Variants in LAMA2 observed in about 807,000 individuals in gnomAD.
LAMA2 encodes laminin subunit alpha-2.
Under a neutral mutation model 364.8 loss-of-function variants are expected in LAMA2, and 269 were observed. That is an observed-to-expected ratio of 0.74 (90% CI 0.67 to 0.82). The LOEUF is 0.82. Ranked by LOEUF, LAMA2 falls within the 40% of genes least tolerant of loss-of-function variation. LAMA2 has a pLI of 0.00. For missense variants in LAMA2, 3,807 were observed against 3,873.2 expected, an observed-to-expected ratio of 0.98 and a Z score of 0.45; for synonymous variants, 1,379 against 1,370.6, an observed-to-expected ratio of 1.01 and a Z score of -0.14.
chr6:128,905,877 A>G (rs987728613), intron 1 of LAMA2, among the ~76,000 whole-genome samples: 2 of 151,892 alleles, frequency 1.3e-5, no homozygotes, highest in Admixed American at 1.3e-4. Context: ...GATTGAGAAC[A>G]TGCGGTGTTT....
chr6:129,115,692 T>G (rs973556913), intron 4 of LAMA2, among the ~76,000 whole-genome samples: 3 of 152,086 alleles, frequency 2.0e-5, no homozygotes, highest in African/African-American at 7.2e-5. Context: ...GTGGTGTTGC[T>G]GAGTGCAAGG....
In LAMA2 at chr6:129,353,448, C is replaced by CT. The variant is rs878949960; in HGVS notation, c.4717+106dup. On this transcript the variant is annotated intron_variant, in intron 32 of 64. Transcript: ENST00000421865. Reference sequence around the variant, plus strand: ...AGAAAGAGTGACTCTCCCCGCCCGCCTTTTTTTTTTTTTTTGCAATAGTTA... The same window carrying CT: ...AGAAAGAGTGACTCTCCCCGCCCGCCTTTTTTTTTTTTTTTTGCAATAGTTA... 54,262 of 765,480 alleles carry CT rather than the reference C, an allele frequency of 0.071. 1,340 individuals carry two copies. The highest frequency in any genetic ancestry group is 0.2 in the African/African-American group (10,094 of 50,858). 47.4% of individuals were successfully genotyped at this position (765,480 alleles called of 1,614,324 possible).
At chr6:128,941,642 A>G (rs2114542989) in intron 1 of LAMA2, among the ~76,000 whole-genome samples, 1 of 152,336 alleles carries the variant, frequency 6.6e-6, no homozygotes, top group East Asian at 1.9e-4. Flanking sequence ...AATAAATGAC[A>G]TTCTGGAAAA....
At chr6:129,064,816 T>C (rs1202489263) in intron 3 of LAMA2, among the ~76,000 whole-genome samples, 2 of 152,232 alleles carry the variant, frequency 1.3e-5, no homozygotes, top group African/African-American at 4.8e-5. Context: ...ATGGTTTTAC[T>C]GCTGAATTCT....
At chr6:129,297,924 C>A in intron 21 of LAMA2, 59 bp downstream of exon 21, 1 of 1,412,822 alleles carries the variant, frequency 7.1e-7, no homozygotes, top group Non-Finnish European at 9.9e-7. Flanking sequence ...GGTCTGACTT[C>A]TGTAACAGTT....
rs539282024 is a variant in LAMA2 at position 129,460,958 on chromosome 6, A to C, written c.6992+634A>C. On this transcript the variant is annotated intron_variant, in intron 49 of 64. Coordinates refer to ENST00000421865, the MANE Select transcript of LAMA2 (RefSeq NM_000426.4). Reference sequence around the variant, plus strand: ...AATTATAAGATAGAGGGTAGAATGAATAGGAATTTGAAAATATTTAACATC... The same window carrying C: ...AATTATAAGATAGAGGGTAGAATGACTAGGAATTTGAAAATATTTAACATC... 1.2e-4 allele frequency among the ~76,000 whole-genome samples: 19 copies of C among 152,084 alleles called. No individual in the cohort carries two copies. The South Asian group carries it at 3.3e-3, about 27-fold the overall frequency.
At position 129,465,200 on chromosome 6, in the gene LAMA2, T is replaced by G; in HGVS notation, c.7211T>G (p.Leu2404Arg). ...GGGCACATAAAAGTCAGTTACGATC[T>G]GGGCTCAGGAATGGCTTCCGTTGTC... is the stretch of plus-strand genomic sequence containing the variant. ...TDGHIKVSYD[L>R]GSGMASVVSN... Residue 2404 changes from leucine (L) to arginine (R), a missense_variant, in exon 51 of 65, where the codon CTG becomes CGG. This residue lies in a region of LAMA2 where 3,333 missense variants were observed against 3,345.7 expected (regional missense o/e 1.00). Coordinates refer to ENST00000421865, the MANE Select transcript of LAMA2 (RefSeq NM_000426.4). 6.2e-7 allele frequency: 1 copy of G among 1,611,256 alleles called. No homozygotes were observed.
intron 17 of LAMA2, among the ~76,000 whole-genome samples, chr6:129,273,405 A>G (rs1214320774): frequency 2.6e-5 from 4 of 152,170 alleles, no homozygotes; most frequent in African/African-American, 4.8e-5. Flanking sequence ...CATTAGCACC[A>G]CTATCAATCC....
intron 2 of LAMA2, among the ~76,000 whole-genome samples, chr6:129,053,920 G>C (rs9689594): frequency 3.9e-5 from 6 of 151,978 alleles, no homozygotes; most frequent in Non-Finnish European, 5.9e-5. Context: ...TAGATGCTTG[G>C]GGGGAAAGGC....
intron 1 of LAMA2, among the ~76,000 whole-genome samples, chr6:128,988,413 T>C (rs1332723509): frequency 1.3e-5 from 2 of 152,034 alleles, no homozygotes; most frequent in African/African-American, 4.8e-5. Context: ...AAAAAAAATA[T>C]GCAAAGTATA....
rs1238160356 is a variant in LAMA2 at position 128,935,221 on chromosome 6, AC to A, written c.112+51872del. On this transcript the variant is annotated intron_variant, in intron 1 of 64. Transcript: ENST00000421865. ...AATGCTATCCCTCCCCCAGCCCCACACCCCCCCCAACAGACCCCAATGTGTA... is the reference window on the plus strand; with the variant it reads ...AATGCTATCCCTCCCCCAGCCCCACACCCCCCCAACAGACCCCAATGTGTA... Among the ~76,000 whole-genome samples the A allele has an allele frequency of 9.8e-5, 7 of 71,102 alleles. No homozygotes were observed. In the South Asian group the frequency reaches 1.5e-3, roughly 15 times the overall value. 46.6% of individuals were successfully genotyped at this position (71,102 alleles called of 152,430 possible).
chr6:129,080,893 G>T (rs1301625842), intron 3 of LAMA2, among the ~76,000 whole-genome samples: 1 of 152,090 alleles, frequency 6.6e-6, no homozygotes, highest in Non-Finnish European at 1.5e-5. Flanking sequence ...CCATTACTGG[G>T]TATATACCCA....
intron 1 of LAMA2, among the ~76,000 whole-genome samples, chr6:128,962,482 TGACTATTGTGAG>T (rs1781598235): frequency 6.6e-6 from 1 of 152,078 alleles, no homozygotes; most frequent in African/African-American, 2.4e-5. Flanking sequence ...TTTAACTGCA[TGACTATTGTGAG>T]GAGGATACTT....
Position 128,911,531 on chromosome 6 carries a change from A to G in LAMA2, c.112+28174A>G, listed in dbSNP as rs191395109. 2.3e-4 allele frequency among the ~76,000 whole-genome samples: 35 copies of G among 152,148 alleles called. 1 individual carries two copies. In the East Asian group the frequency reaches 6.6e-3, roughly 29 times the overall value. On this transcript the variant is annotated intron_variant, in intron 1 of 64. Transcript: ENST00000421865. ...TGCGCGCACCCACTGACCTGCGCCCACTGTCTGGCATTCCTTAGTGAGATG... is the reference window on the plus strand; with the variant it reads ...TGCGCGCACCCACTGACCTGCGCCCGCTGTCTGGCATTCCTTAGTGAGATG...
intron 14 of LAMA2, among the ~76,000 whole-genome samples, chr6:129,255,405 CAAAAAAAAAAAAA>C (rs5879934): frequency 5.9e-5 from 2 of 33,812 alleles, no homozygotes; most frequent in Admixed American, 5.2e-4. Flanking sequence ...GACTCTGTCT[CAAAAAAAAAAAAA>C]AAAAAAAAAA....
At position 129,085,870 on chromosome 6, in the gene LAMA2, T is replaced by C. The variant is rs184433968; in HGVS notation, c.397-12303T>C. Among the ~76,000 whole-genome samples, 78 of 152,318 alleles carry C rather than the reference T, an allele frequency of 5.1e-4. 1 individual carries two copies. Among genetic ancestry groups the C allele is most frequent in the African/African-American group, 1.7e-3 (71 of 41,572 alleles). ...GATTTTTATCATGTCCTCTTAAAAATGGTAGCTTTTCAGAAACTTTTGTTA... is the reference window on the plus strand; with the variant it reads ...GATTTTTATCATGTCCTCTTAAAAACGGTAGCTTTTCAGAAACTTTTGTTA... On this transcript the variant is annotated intron_variant, in intron 3 of 64. Coordinates refer to ENST00000421865, the MANE Select transcript of LAMA2 (RefSeq NM_000426.4).
chr6:129,116,052 A>G (rs548212118), intron 4 of LAMA2, among the ~76,000 whole-genome samples: 31 of 152,262 alleles, frequency 2.0e-4, no homozygotes, highest in Non-Finnish European at 3.5e-4. Context: ...ACTGAATCTT[A>G]TTCTTTAGAA....
intron 4 of LAMA2, among the ~76,000 whole-genome samples, chr6:129,114,539 TG>T (rs1353190689): frequency 1.3e-5 from 2 of 152,116 alleles, no homozygotes; most frequent in African/African-American, 4.8e-5. Context: ...TTTGCTTGTT[TG>T]TTTGTTTTGT....
intron 10 of LAMA2, 105 bp from the exon 11 acceptor site, chr6:129,190,100 G>A (rs1781442032): frequency 9.0e-6 from 10 of 1,109,810 alleles, no homozygotes; most frequent in Non-Finnish European, 1.4e-5. Context: ...ATAGTTGAGA[G>A]GGTAAAATGA....
Sources: allele counts gnomAD v4.1 joint callset (sites outside exome capture counted in the v4.1 genomes callset), GRCh38; gene constraint gnomAD v4.1.1; regional missense constraint gnomAD v4.1.1; transcripts MANE v1.5; gene names NCBI Gene and HGNC (gene_info 2026-07-23, HGNC 2026-07-21).